MAPK10: variants seen among roughly 807,000 people sequenced by gnomAD.
MAPK10 encodes JNK3 alpha protein kinase.
In MAPK10, 25 loss-of-function variants were observed where a neutral mutation model predicts 59.3. That is an observed-to-expected ratio of 0.42 (90% CI 0.31 to 0.59). The LOEUF (loss-of-function observed/expected upper bound fraction) is 0.59, where lower values mean the gene tolerates loss of function less well. MAPK10 is among the 20% of genes least tolerant of loss of function. MAPK10 has a pLI of 0.15. For synonymous variants in MAPK10, 190 were observed against 200.5 expected, an observed-to-expected ratio of 0.95 and a Z score of 0.44; for missense variants, 351 against 568.9, an observed-to-expected ratio of 0.62 and a Z score of 3.90.
At chr4:86,548,234 C>T (rs1408279830) in intron 1 of MAPK10, among the ~76,000 whole-genome samples, 2 of 152,116 alleles carry the variant, frequency 1.3e-5, no homozygotes, top group Non-Finnish European at 2.9e-5. Flanking sequence ...GCCTTAAGAG[C>T]TGTAACACTC....
chr4:86,328,255 T>A (rs9307017), intron 2 of MAPK10, among the ~76,000 whole-genome samples: 111,776 of 152,096 alleles, frequency 0.73, 41,578 homozygotes, highest in South Asian at 0.9. Flanking sequence ...AAAAAAGCTC[T>A]ACATCACTGA....
chr4:86,564,059 T>C (rs1167631608), intron 1 of MAPK10, among the ~76,000 whole-genome samples: 1 of 152,202 alleles, frequency 6.6e-6, no homozygotes, highest in Admixed American at 6.5e-5. Flanking sequence ...CTCGAACTCC[T>C]GACCTCAGGT....
At chr4:86,277,327 G>A (rs945230758) in intron 2 of MAPK10, 1 of 151,940 alleles carries the variant, frequency 6.6e-6, no homozygotes, top group Non-Finnish European at 1.5e-5. Context: ...ATTACCCACT[G>A]GGGGGAAGAA....
intron 11 of MAPK10, among the ~76,000 whole-genome samples, chr4:86,036,507 C>A (rs1035218080): frequency 6.6e-6 from 1 of 151,584 alleles, no homozygotes; most frequent in Non-Finnish European, 1.5e-5. Context: ...GTTAAGCTGT[C>A]TTTATATAGA....
At chr4:86,466,975 C>G (rs1752260675) in intron 1 of MAPK10, among the ~76,000 whole-genome samples, 1 of 152,218 alleles carries the variant, frequency 6.6e-6, no homozygotes, top group Non-Finnish European at 1.5e-5. Flanking sequence ...AAGATATGTG[C>G]TGCATCTTCA....
chr4:86,206,864 A>T (rs994116822), intron 2 of MAPK10, among the ~76,000 whole-genome samples: 1 of 152,152 alleles, frequency 6.6e-6, no homozygotes, highest in Admixed American at 6.5e-5. Flanking sequence ...GTGTCTGTTC[A>T]TATCCTTCAC....
At position 86,029,201 on chromosome 4, in the gene MAPK10, A is replaced by G. The variant is rs148438622; in HGVS notation, c.1248T>C (p.Pro416=). 5.9e-5 allele frequency: 94 copies of G among 1,604,852 alleles called. No individual in the cohort carries two copies. In the African/African-American group the frequency reaches 1.2e-3, roughly 21 times the overall value. ...KNGVVKGQPS[P]SGAAVNSSES... is the part of the protein sequence containing the mutation. ...TTATTCACGGAGAGTGAGTACCTGA[A>G]GGAGAAGGCTGTCCTTTTACTACAC... The change falls in exon 13 of 14, where the codon CCT becomes CCC. Residue 416 remains proline (P), a synonymous_variant. Transcript: ENST00000641462.
intron 1 of MAPK10, among the ~76,000 whole-genome samples, chr4:86,535,669 T>C (rs1322800498): frequency 6.6e-6 from 1 of 152,186 alleles, no homozygotes; most frequent in African/African-American, 2.4e-5. Context: ...CCTTTATATA[T>C]AGACTCACAG....
At chr4:86,494,587 C>T (rs192977231) in intron 1 of MAPK10, among the ~76,000 whole-genome samples, 1 of 152,054 alleles carries the variant, frequency 6.6e-6, no homozygotes, top group Admixed American at 6.5e-5. Flanking sequence ...GGCTCACACC[C>T]GTAATCCCAG....
At chr4:86,428,033 A>AT (rs1168410206) in intron 1 of MAPK10, among the ~76,000 whole-genome samples, 1 of 152,222 alleles carries the variant, frequency 6.6e-6, no homozygotes, top group Admixed American at 6.5e-5. Flanking sequence ...GTAAAGTAGA[A>AT]TGAGTGCTCC....
intron 11 of MAPK10, among the ~76,000 whole-genome samples, chr4:86,060,541 C>T (rs2045544319): frequency 6.6e-6 from 1 of 151,946 alleles, no homozygotes; most frequent in Admixed American, 6.6e-5. Context: ...AGTGGTAAAG[C>T]CACCACTGGA....
At chr4:86,353,955 A>G (rs1400565178) in intron 2 of MAPK10, among the ~76,000 whole-genome samples, 1 of 152,176 alleles carries the variant, frequency 6.6e-6, no homozygotes, top group East Asian at 1.9e-4. Context: ...ATAAAGTAAT[A>G]AGTTTTAAAG....
At chr4:86,118,661 T>G (rs2058693765) in intron 4 of MAPK10, among the ~76,000 whole-genome samples, 1 of 152,090 alleles carries the variant, frequency 6.6e-6, no homozygotes, top group Admixed American at 6.6e-5. Context: ...TCAGGTATTT[T>G]TTTCTTCTGA....
At chr4:86,504,489 T>C (rs992984641) in intron 1 of MAPK10, among the ~76,000 whole-genome samples, 6 of 152,178 alleles carry the variant, frequency 3.9e-5, no homozygotes, top group African/African-American at 1.4e-4. Context: ...ACATGTATTT[T>C]TCCAAAGGAT....
intron 11 of MAPK10, among the ~76,000 whole-genome samples, chr4:86,036,302 T>C (rs1018590846): frequency 5.9e-5 from 9 of 151,740 alleles, no homozygotes; most frequent in South Asian, 2.1e-4. Context: ...ACCTAAACAA[T>C]TGAATAAAAT....
chr4:86,537,056 C>T (rs114714205), intron 1 of MAPK10, among the ~76,000 whole-genome samples: 7,120 of 152,196 alleles, frequency 0.047, 220 homozygotes, highest in African/African-American at 0.059. Context: ...GGTAGCCTGA[C>T]TCAGGTTGTC....
chr4:86,222,457 C>T (rs895201320), intron 2 of MAPK10, among the ~76,000 whole-genome samples: 1 of 152,118 alleles, frequency 6.6e-6, no homozygotes, highest in Non-Finnish European at 1.5e-5. Flanking sequence ...AGGTACAAAG[C>T]CTTCACACCA....
chr4:86,306,569 T>C (rs1192189536), intron 2 of MAPK10, among the ~76,000 whole-genome samples: 1 of 152,192 alleles, frequency 6.6e-6, no homozygotes, highest in African/African-American at 2.4e-5. Context: ...TCCAAAGATA[T>C]TATTACATTA....
At position 86,224,709 on chromosome 4, in the gene MAPK10, C is replaced by T. The variant is rs555191495; in HGVS notation, c.-6-30302G>A. 7.2e-5 allele frequency among the ~76,000 whole-genome samples: 11 copies of T among 152,250 alleles called. No homozygotes were observed. In the East Asian group the frequency reaches 2.1e-3, roughly 29 times the overall value. ...CATATGTATACCTTCCCTTTCTTTG[C>T]TCCCCAAATTTAAGATAACATAATC... On this transcript the variant is annotated intron_variant, in intron 2 of 13. Coordinates refer to ENST00000641462, the MANE Select transcript of MAPK10 (RefSeq NM_138982.4).
Sources: allele counts gnomAD v4.1 joint callset (sites outside exome capture counted in the v4.1 genomes callset), GRCh38; gene constraint gnomAD v4.1.1; transcripts MANE v1.5; gene names NCBI Gene and HGNC (gene_info 2026-07-23, HGNC 2026-07-21).